GDPD4: variants seen among roughly 807,000 people sequenced by gnomAD.
The protein encoded by GDPD4 is glycerophosphodiester phosphodiesterase 6.
Under a neutral mutation model 67.8 loss-of-function variants are expected in GDPD4, and 60 were observed. The observed-to-expected ratio is 0.88, with a 90% CI of 0.72 to 1.10. The LOEUF is 1.10. Ranked by LOEUF, GDPD4 falls within the 50% of genes least tolerant of loss-of-function variation. The pLI is 0.00. For synonymous variants in GDPD4, 212 were observed against 210.9 expected (o/e 1.00, Z -0.04); for missense variants, 623 against 613.9 (o/e 1.01, Z -0.16).
chr11:77,225,547 A>G (rs1591526930), intron 16 of GDPD4, among the ~76,000 whole-genome samples: 1 of 152,192 alleles, frequency 6.6e-6, no homozygotes, highest in Non-Finnish European at 1.5e-5. Flanking sequence ...GCCATAATCA[A>G]ACTACTAAAA....
intron 4 of GDPD4, among the ~76,000 whole-genome samples, chr11:77,277,266 G>T (rs187776661): frequency 1.2e-3 from 181 of 150,748 alleles, no homozygotes; most frequent in African/African-American, 4.1e-3. Context: ...TCTGCCCATA[G>T]CCACCCTCCA....
intron 10 of GDPD4, among the ~76,000 whole-genome samples, chr11:77,262,663 T>C (rs980147746): frequency 6.6e-6 from 1 of 152,052 alleles, no homozygotes; most frequent in Non-Finnish European, 1.5e-5. Context: ...AGAATCAGCA[T>C]GAGAATATAG....
At chr11:77,285,642 A>AT (rs545157881) in intron 2 of GDPD4, among the ~76,000 whole-genome samples, 468 of 152,206 alleles carry the variant, frequency 3.1e-3, no homozygotes, top group African/African-American at 0.011. Flanking sequence ...TTAAAGAATA[A>AT]TTTTTTTTAA....
chr11:77,235,655 A>T (rs1043923772), intron 13 of GDPD4, among the ~76,000 whole-genome samples: 1 of 152,264 alleles, frequency 6.6e-6, no homozygotes. Flanking sequence ...TAATCCAAAG[A>T]TGTAAAAATT....
chr11:77,241,919 G>A (rs947554334), intron 13 of GDPD4, among the ~76,000 whole-genome samples: 7 of 151,892 alleles, frequency 4.6e-5, no homozygotes, highest in Non-Finnish European at 8.8e-5. Context: ...GTGACAGAGC[G>A]AGACTCTGTC....
At chr11:77,266,726 T>G (rs1356553846) in intron 10 of GDPD4, among the ~76,000 whole-genome samples, 1 of 152,154 alleles carries the variant, frequency 6.6e-6, no homozygotes, top group Non-Finnish European at 1.5e-5. Context: ...GTGTGCTTGT[T>G]TCTTAGTTTC....
At chr11:77,253,964 G>A (rs1185189902) in intron 11 of GDPD4, among the ~76,000 whole-genome samples, 1 of 152,150 alleles carries the variant, frequency 6.6e-6, no homozygotes, top group Non-Finnish European at 1.5e-5. Flanking sequence ...CACAGAGAAA[G>A]GTGTAACAGT....
At chr11:77,237,877 C>T (rs1226692764) in intron 13 of GDPD4, among the ~76,000 whole-genome samples, 3 of 152,124 alleles carry the variant, frequency 2.0e-5, no homozygotes, top group Non-Finnish European at 4.4e-5. Context: ...GCCGAGATCA[C>T]GCCACTGCAC....
intron 13 of GDPD4, among the ~76,000 whole-genome samples, chr11:77,240,735 CAAAT>C (rs1565515765): frequency 6.6e-6 from 1 of 151,952 alleles, no homozygotes; most frequent in Non-Finnish European, 1.5e-5. Flanking sequence ...AGCAAAAAAA[CAAAT>C]AACCCAATGA....
At chr11:77,263,319 TA>T (rs1321841806) in intron 10 of GDPD4, among the ~76,000 whole-genome samples, 5 of 152,120 alleles carry the variant, frequency 3.3e-5, no homozygotes, top group African/African-American at 1.2e-4. Flanking sequence ...CAGGTCATAC[TA>T]TGAGAGAGAT....
At chr11:77,231,904 T>C (rs1481274802) in intron 14 of GDPD4, among the ~76,000 whole-genome samples, 1 of 152,194 alleles carries the variant, frequency 6.6e-6, no homozygotes, top group Non-Finnish European at 1.5e-5. Context: ...TCCAGGAAGC[T>C]GACCAAGCCA....
intron 11 of GDPD4, among the ~76,000 whole-genome samples, chr11:77,256,460 T>C (rs1427438709): frequency 6.6e-6 from 1 of 152,220 alleles, no homozygotes; most frequent in Non-Finnish European, 1.5e-5. Context: ...TCTGAGTAAC[T>C]ACAGTAATAA....
intron 4 of GDPD4, 84 bp from the exon 5 acceptor site, chr11:77,276,304 C>G: frequency 1.0e-6 from 1 of 992,896 alleles, no homozygotes; most frequent in South Asian, 1.3e-5. Flanking sequence ...CTCCAAATTC[C>G]GTTCACAGTC....
chr11:77,287,531 T>G (rs1960049938), intron 1 of GDPD4, 111 bp from the exon 2 acceptor site: 1 of 152,122 alleles, frequency 6.6e-6, no homozygotes. Context: ...TAAAAAACTG[T>G]TTATAATCAA....
rs1273506478 is a variant in GDPD4 at position 77,264,824 on chromosome 11, A to ACCT, written c.707+3630_707+3632dup. 1.1e-4 allele frequency among the ~76,000 whole-genome samples: 17 copies of ACCT among 152,154 alleles called. No individual in the cohort carries two copies. In the East Asian group the frequency reaches 3.3e-3, roughly 29 times the overall value. On this transcript the variant is annotated intron_variant, in intron 10 of 16. Transcript: ENST00000315938. Reference sequence around the variant, plus strand: ...ACCAGAATATGCCACCCCAATATATACCTCTTTGGCATATTGATTATTTTG... The same window carrying ACCT: ...ACCAGAATATGCCACCCCAATATATACCTCCTCTTTGGCATATTGATTATTTTG...
At chr11:77,239,328 C>T (rs547487427) in intron 13 of GDPD4, among the ~76,000 whole-genome samples, 3 of 152,130 alleles carry the variant, frequency 2.0e-5, no homozygotes, top group Non-Finnish European at 4.4e-5. Context: ...TGACATAGTA[C>T]TGTCTTAGCC....
At chr11:77,226,145 TTTTATCTAGG>T (rs1166905038) in intron 16 of GDPD4, among the ~76,000 whole-genome samples, 2 of 152,196 alleles carry the variant, frequency 1.3e-5, no homozygotes, top group African/African-American at 4.8e-5. Flanking sequence ...AAGCCACCTC[TTTTATCTAGG>T]TTTATATAGT....
chr11:77,257,420 T>C (rs1325131682), intron 11 of GDPD4, among the ~76,000 whole-genome samples: 1 of 152,164 alleles, frequency 6.6e-6, no homozygotes, highest in Non-Finnish European at 1.5e-5. Flanking sequence ...CTAAACTCTT[T>C]AACTTGTTAT....
chr11:77,216,848 C>A lies in GDPD4; in HGVS notation c.*429G>T. 1 of 634,164 alleles carries A rather than the reference C, an allele frequency of 1.6e-6. No homozygotes were observed. The allele number at this position is 634,164 out of a possible 1,614,324, so 39.3% of individuals were successfully genotyped here. On this transcript the variant is annotated 3_prime_UTR_variant, in exon 17 of 17. Coordinates refer to ENST00000315938, the MANE Select transcript of GDPD4 (RefSeq NM_182833.3). ...TGTGGCTAATTCTTCTTTGGAAACA[C>A]AGAAGGCTATGTCAGATGCAATGGA...
Sources: allele counts gnomAD v4.1 joint callset (sites outside exome capture counted in the v4.1 genomes callset), GRCh38; gene constraint gnomAD v4.1.1; transcripts MANE v1.5; gene names NCBI Gene and HGNC (gene_info 2026-07-23, HGNC 2026-07-21).